Variants in SEL1L2 observed in about 807,000 individuals in gnomAD.
SEL1L2 encodes the protein SEL1L2 adaptor subunit of SYVN1 ubiquitin ligase, also known as protein sel-1 homolog 2.
In SEL1L2, 89 loss-of-function variants were observed where a neutral mutation model predicts 98.8. That is an observed-to-expected ratio of 0.90 (90% CI 0.76 to 1.07). The LOEUF (loss-of-function observed/expected upper bound fraction) is 1.07, where lower values mean the gene tolerates loss of function less well. Ranked by LOEUF, SEL1L2 falls within the 50% of genes least tolerant of loss-of-function variation. The probability of loss-of-function intolerance (pLI) is 0.00; values close to 1 mark genes in which losing one functional copy is unlikely to be tolerated. For missense variants in SEL1L2, 788 were observed against 812.0 expected (o/e 0.97, Z 0.36); for synonymous variants, 262 against 278.5 (o/e 0.94, Z 0.59).
chr20:13,957,375 T>C (rs1238060788), intron 1 of SEL1L2, among the ~76,000 whole-genome samples: 1 of 152,238 alleles, frequency 6.6e-6, no homozygotes, highest in Non-Finnish European at 1.5e-5. Context: ...GTGCTGGGAT[T>C]ACAGGCGTGA....
At chr20:13,993,264 G>A (rs2052573260), upstream of SEL1L2, among the ~76,000 whole-genome samples, 1 of 152,216 alleles carries the variant, frequency 6.6e-6, no homozygotes, top group Non-Finnish European at 1.5e-5. Context: ...CGTAGGTATA[G>A]CAACCGATTT....
chr20:13,949,505 A>C (rs1276649520), intron 2 of SEL1L2, among the ~76,000 whole-genome samples: 2 of 152,150 alleles, frequency 1.3e-5, no homozygotes, highest in Non-Finnish European at 2.9e-5. Flanking sequence ...TCTACTAAAA[A>C]TACAAAAAAT....
Position 13,912,528 on chromosome 20 carries a change from C to T in SEL1L2, c.549+1254G>A, listed in dbSNP as rs542817775. Among the ~76,000 whole-genome samples the T allele has an allele frequency of 1.2e-4, 18 of 152,162 alleles. No individual in the cohort carries two copies. The South Asian group carries it at 1.5e-3, about 12-fold the overall frequency. ...CCCAAGTTGGTCTCGAACTCCTGGC[C>T]TCAAGTGATCCGCCCACCTTGGCCT... On this transcript the variant is annotated intron_variant, in intron 5 of 19. Coordinates refer to ENST00000284951, the MANE Select transcript of SEL1L2 (RefSeq NM_025229.2).
At chr20:13,876,408 T>C (rs6105174) in intron 11 of SEL1L2, among the ~76,000 whole-genome samples, 65 of 4,370 alleles carry the variant, frequency 0.015, no homozygotes, top group African/African-American at 0.029. Context: ...CTCTCTCTCT[T>C]TTTTTTTTTT....
At chr20:13,881,143 G>A (rs1473059411) in intron 10 of SEL1L2, among the ~76,000 whole-genome samples, 1 of 152,082 alleles carries the variant, frequency 6.6e-6, no homozygotes, top group Non-Finnish European at 1.5e-5. Context: ...CCTCCTGAGT[G>A]GCTGGGACTA....
chr20:13,910,370 C>G (rs1662445866), intron 5 of SEL1L2, among the ~76,000 whole-genome samples: 1 of 152,172 alleles, frequency 6.6e-6, no homozygotes, highest in African/African-American at 2.4e-5. Flanking sequence ...TACTATCAAT[C>G]TCTTTTTACC....
intron 17 of SEL1L2, among the ~76,000 whole-genome samples, chr20:13,861,131 CCAACCCGTTCTTCACA>C (rs1418742171): frequency 6.6e-6 from 1 of 152,130 alleles, no homozygotes. Context: ...TCTTCACTTT[CCAACCCGTTCTTCACA>C]CAACAGCCAG....
At chr20:13,952,836 C>A (rs1293875354) in intron 2 of SEL1L2, among the ~76,000 whole-genome samples, 4 of 152,206 alleles carry the variant, frequency 2.6e-5, no homozygotes, top group Non-Finnish European at 5.9e-5. Context: ...CAAGACCATC[C>A]TGGCCAACAT....
At chr20:13,927,407 G>T (rs2148287435) in intron 3 of SEL1L2, among the ~76,000 whole-genome samples, 1 of 152,294 alleles carries the variant, frequency 6.6e-6, no homozygotes, top group African/African-American at 2.4e-5. Context: ...AATGCTACTT[G>T]TTATATGTGA....
rs1276401720 is a variant in SEL1L2 at position 13,894,347 on chromosome 20, G to A, written c.550-5835C>T. On this transcript the variant is annotated intron_variant, in intron 5 of 19. Transcript: ENST00000284951. ...GGCCAAGGTGGGTGGATCATCTGAG[G>A]TCAGGAGTTCGAGACCAAGCTGGCC... Among the ~76,000 whole-genome samples, 6 of 152,266 alleles carry A rather than the reference G, an allele frequency of 3.9e-5. No homozygotes were observed. The East Asian group carries it at 9.7e-4, about 25-fold the overall frequency.
intron 4 of SEL1L2, among the ~76,000 whole-genome samples, chr20:13,917,765 A>C (rs1600738835): frequency 9.1e-6 from 1 of 110,412 alleles, no homozygotes; most frequent in African/African-American, 3.9e-5. Flanking sequence ...CAGGGCCCAT[A>C]CTTTCTTTAT....
At chr20:13,919,428 T>C (rs2048554612) in intron 3 of SEL1L2, among the ~76,000 whole-genome samples, 1 of 152,126 alleles carries the variant, frequency 6.6e-6, no homozygotes, top group Non-Finnish European at 1.5e-5. Context: ...GGATACAAGG[T>C]TCTCCGATCA....
chr20:13,879,133 C>G (rs1465556061), intron 10 of SEL1L2, among the ~76,000 whole-genome samples: 1 of 152,110 alleles, frequency 6.6e-6, no homozygotes, highest in African/African-American at 2.4e-5. Flanking sequence ...CTAAAATGAT[C>G]GAGGCCTCAT....
intron 1 of SEL1L2, among the ~76,000 whole-genome samples, chr20:13,983,039 A>AAAAAAAAAAAAAAAAAAAAAAAAAAAAC (rs2051929924): frequency 7.0e-6 from 1 of 142,472 alleles, no homozygotes. Flanking sequence ...AAAAAAAAAA[A>AAAAAAAAAAAAAAAAAAAAAAAAAAAAC]AAAAAAAAAG....
intron 2 of SEL1L2, among the ~76,000 whole-genome samples, chr20:13,939,905 G>T (rs1370556365): frequency 1.3e-5 from 2 of 152,114 alleles, no homozygotes; most frequent in Non-Finnish European, 2.9e-5. Flanking sequence ...GGCCTCAGGT[G>T]ATCCACCTGC....
intron 1 of SEL1L2, among the ~76,000 whole-genome samples, chr20:13,982,714 A>T (rs950779973): frequency 5.6e-4 from 85 of 151,868 alleles, no homozygotes; most frequent in Middle Eastern, 3.4e-3. Flanking sequence ...TGCCTCAGTG[A>T]TATATTTTAC....
At chr20:13,904,766 T>C (rs2047844814) in intron 5 of SEL1L2, among the ~76,000 whole-genome samples, 1 of 152,220 alleles carries the variant, frequency 6.6e-6, no homozygotes, top group Admixed American at 6.5e-5. Flanking sequence ...CTTGCAACTC[T>C]TGGCAATTCT....
At chr20:13,888,589 A>G in intron 5 of SEL1L2, 77 bp from the exon 6 acceptor site, 1 of 672,028 alleles carries the variant, frequency 1.5e-6, no homozygotes, top group Non-Finnish European at 2.5e-6. Context: ...GGGATATCTT[A>G]AATGTCTGCT....
chr20:13,897,960 A>C (rs35286268), intron 5 of SEL1L2, among the ~76,000 whole-genome samples: 11,987 of 151,782 alleles, frequency 0.079, 523 homozygotes, highest in African/African-American at 0.1. Context: ...ACACACACAC[A>C]CCCCAAAAAA....
Sources: allele counts gnomAD v4.1 joint callset (sites outside exome capture counted in the v4.1 genomes callset), GRCh38; gene constraint gnomAD v4.1.1; transcripts MANE v1.5; gene names NCBI Gene and HGNC (gene_info 2026-07-23, HGNC 2026-07-21).